The following IGSF11 variants were observed in gnomAD, a reference collection of about 807,000 sequenced individuals.
IGSF11 encodes CXADR like 1.
IGSF11 carries 22 observed loss-of-function variants against 41.0 expected under a neutral mutation model. That is an observed-to-expected ratio of 0.54 (90% CI 0.38 to 0.77). The LOEUF is 0.77. Among genes scored for constraint, IGSF11 ranks in the 30% least tolerant of loss-of-function variants. The probability of loss-of-function intolerance (pLI) is 0.00; values close to 1 mark genes in which losing one functional copy is unlikely to be tolerated. For missense variants in IGSF11, 444 were observed against 530.8 expected, an observed-to-expected ratio of 0.84 and a Z score of 1.61; for synonymous variants, 219 against 201.3, an observed-to-expected ratio of 1.09 and a Z score of -0.74.
intron 1 of IGSF11, among the ~76,000 whole-genome samples, chr3:118,959,357 T>C (rs571045271): frequency 3.9e-5 from 6 of 152,176 alleles, no homozygotes; most frequent in Non-Finnish European, 8.8e-5. Flanking sequence ...GGAAAGACTG[T>C]GGACAGTTTG....
intron 1 of IGSF11, among the ~76,000 whole-genome samples, chr3:119,096,799 A>C (rs1410059762): frequency 6.6e-6 from 1 of 152,232 alleles, no homozygotes; most frequent in African/African-American, 2.4e-5. Context: ...TCTCTCTTGC[A>C]GGCCCAATTT....
At chr3:119,069,716 A>G (rs911214509) in intron 1 of IGSF11, among the ~76,000 whole-genome samples, 5 of 137,150 alleles carry the variant, frequency 3.6e-5, no homozygotes, top group African/African-American at 9.8e-5. Context: ...GCAAAAAGGG[A>G]AAAAAAAAAA....
At chr3:119,067,317 C>T (rs904250013) in intron 1 of IGSF11, among the ~76,000 whole-genome samples, 1 of 151,716 alleles carries the variant, frequency 6.6e-6, no homozygotes, top group Admixed American at 6.6e-5. Context: ...TCCTCAGGCT[C>T]TCATGAGCTT....
intron 1 of IGSF11, among the ~76,000 whole-genome samples, chr3:118,987,114 A>G (rs1001858165): frequency 6.6e-6 from 1 of 152,220 alleles, no homozygotes; most frequent in African/African-American, 2.4e-5. Flanking sequence ...CACCATCCTT[A>G]CAAATACAAC....
At chr3:119,049,978 C>G (rs1941545679) in intron 1 of IGSF11, among the ~76,000 whole-genome samples, 1 of 146,544 alleles carries the variant, frequency 6.8e-6, no homozygotes, top group Non-Finnish European at 1.5e-5. Context: ...CCCTTCCTTA[C>G]ACCTTATACA....
At chr3:119,000,623 T>C (rs1365951397) in intron 1 of IGSF11, among the ~76,000 whole-genome samples, 1 of 152,112 alleles carries the variant, frequency 6.6e-6, no homozygotes. Context: ...TTCTCTTTCA[T>C]CATTATTAAT....
intron 1 of IGSF11, among the ~76,000 whole-genome samples, chr3:119,064,937 C>T (rs1019579856): frequency 6.6e-6 from 1 of 152,136 alleles, no homozygotes; most frequent in African/African-American, 2.4e-5. Context: ...GAATGGTCTA[C>T]ATGTACAATC....
intron 1 of IGSF11, among the ~76,000 whole-genome samples, chr3:118,957,615 C>T (rs1945056296): frequency 6.6e-6 from 1 of 152,204 alleles, no homozygotes; most frequent in Non-Finnish European, 1.5e-5. Flanking sequence ...CTCGCCATTC[C>T]TTGTAGGCTA....
chr3:118,940,248 T>C (rs867479177), intron 1 of IGSF11, among the ~76,000 whole-genome samples: 3 of 152,276 alleles, frequency 2.0e-5, no homozygotes, highest in Middle Eastern at 3.4e-3. Flanking sequence ...TAAAACTGTA[T>C]TTATTTGCAG....
intron 1 of IGSF11, among the ~76,000 whole-genome samples, chr3:119,056,085 T>C (rs1365199491): frequency 1.3e-5 from 2 of 151,956 alleles, no homozygotes; most frequent in Non-Finnish European, 2.9e-5. Flanking sequence ...AGCAAATACA[T>C]TCAAAAGCTA....
In IGSF11 at chr3:119,088,784, T is replaced by A. The variant is rs371792718; in HGVS notation, c.49+16360A>T. Among the ~76,000 whole-genome samples, 14 of 151,958 alleles carry A rather than the reference T, an allele frequency of 9.2e-5. No individual in the cohort carries two copies. The East Asian group carries it at 2.7e-3, about 29-fold the overall frequency. On this transcript the variant is annotated intron_variant, in intron 1 of 6. Transcript: ENST00000354673. Reference sequence around the variant, plus strand: ...AGTATTACAACTGATCCCACAGAAATACAAAAGATCCTCAGAGACTCCTAT... The same window carrying A: ...AGTATTACAACTGATCCCACAGAAAAACAAAAGATCCTCAGAGACTCCTAT...
At chr3:119,143,741 A>G (rs1168696216) in intron 1 of IGSF11, among the ~76,000 whole-genome samples, 2 of 152,204 alleles carry the variant, frequency 1.3e-5, no homozygotes, top group East Asian at 3.8e-4. Flanking sequence ...AAGGACATTA[A>G]TAAGTTGAAA....
At chr3:118,991,905 G>C (rs1935824298) in intron 1 of IGSF11, among the ~76,000 whole-genome samples, 1 of 152,192 alleles carries the variant, frequency 6.6e-6, no homozygotes, top group Admixed American at 6.5e-5. Context: ...GCAAGGAGAA[G>C]CTCTCCATTC....
chr3:119,133,623 C>T (rs1205329928), intron 1 of IGSF11, among the ~76,000 whole-genome samples: 1 of 152,088 alleles, frequency 6.6e-6, no homozygotes, highest in African/African-American at 2.4e-5. Flanking sequence ...GGATTCACAG[C>T]CAAATTCTAA....
At chr3:119,042,904 G>T (rs558425128) in intron 1 of IGSF11, among the ~76,000 whole-genome samples, 1 of 152,156 alleles carries the variant, frequency 6.6e-6, no homozygotes, top group African/African-American at 2.4e-5. Flanking sequence ...TTACCAGGGG[G>T]TCCTTGTTCT....
At chr3:118,959,957 A>T (rs1264855600) in intron 1 of IGSF11, among the ~76,000 whole-genome samples, 1 of 151,816 alleles carries the variant, frequency 6.6e-6, no homozygotes, top group African/African-American at 2.4e-5. Context: ...AGGCAGGAGA[A>T]TGGCGTGAAG....
intron 1 of IGSF11, among the ~76,000 whole-genome samples, chr3:119,052,291 C>T (rs562330778): frequency 6.6e-6 from 1 of 152,064 alleles, no homozygotes; most frequent in South Asian, 2.1e-4. Context: ...ACAAGTCTGG[C>T]CAACATGGTG....
intron 1 of IGSF11, among the ~76,000 whole-genome samples, chr3:119,092,905 G>T (rs563314522): frequency 1.1e-4 from 17 of 152,270 alleles, no homozygotes; most frequent in Admixed American, 7.8e-4. Context: ...TAGCATAGGA[G>T]CAATAGGCTA....
chr3:119,039,366 T>A (rs1941031524), upstream of IGSF11, among the ~76,000 whole-genome samples: 1 of 152,188 alleles, frequency 6.6e-6, no homozygotes, highest in Admixed American at 6.5e-5. Flanking sequence ...GGTCCCCTTC[T>A]TCTATCTTCA....
Sources: gnomAD v4.1 joint callset for allele counts (sites outside exome capture counted in the v4.1 genomes callset) on GRCh38, gnomAD v4.1.1 for gene constraint, MANE v1.5 for transcripts, NCBI Gene and HGNC (gene_info 2026-07-23, HGNC 2026-07-21) for gene names.